The following LPL variants were observed in gnomAD, a reference collection of about 807,000 sequenced individuals.
LPL encodes lipoprotein lipase.
In LPL, 43 loss-of-function variants were observed where a neutral mutation model predicts 52.2. That is an observed-to-expected ratio of 0.82 (90% CI 0.64 to 1.06). The LOEUF (loss-of-function observed/expected upper bound fraction) is 1.06. Among genes scored for constraint, LPL ranks in the 50% least tolerant of loss-of-function variants. The pLI, the probability that LPL is intolerant of heterozygous loss-of-function variation, is 0.00. For missense variants in LPL, 639 were observed against 585.3 expected, an observed-to-expected ratio of 1.09 and a Z score of -0.95; for synonymous variants, 244 against 215.6, an observed-to-expected ratio of 1.13 and a Z score of -1.15.
rs264 is a variant in LPL at position 19,955,669 on chromosome 8, G to A, written c.776-172G>A. On this transcript the variant is annotated intron_variant, in intron 5 of 9. Coordinates refer to ENST00000650287, the MANE Select transcript of LPL (RefSeq NM_000237.3). ...TCACTCTCTTGAAGGTGGGTGGGCC[G>A]CTACCACCAAGAATATCTCCTGAAA... Among the ~76,000 whole-genome samples, 21,597 of 151,956 alleles carry A rather than the reference G, an allele frequency of 0.14. 1,653 individuals carry two copies. Among genetic ancestry groups the A allele is most frequent in the East Asian group, 0.21 (1,086 of 5,166 alleles).
intron 9 of LPL, among the ~76,000 whole-genome samples, chr8:19,962,926 C>T (rs2070052728): frequency 6.6e-6 from 1 of 152,208 alleles, no homozygotes; most frequent in Non-Finnish European, 1.5e-5. Context: ...CTTCACTACT[C>T]CTGTTCTGAA....
At chr8:19,947,768 G>C (rs2069894918) in intron 1 of LPL, among the ~76,000 whole-genome samples, 1 of 150,134 alleles carries the variant, frequency 6.7e-6, no homozygotes, top group Admixed American at 6.8e-5. Context: ...GAGAGACCGG[G>C]CTCTGATCCT....
rs778315858 is a variant in LPL at position 19,948,373 on chromosome 8, G to T, written c.249+33G>T. The T allele has an allele frequency of 3.1e-6, 5 of 1,612,618 alleles. No individual in the cohort carries two copies. In the South Asian group the frequency reaches 4.4e-5, roughly 14 times the overall value. On this transcript the variant is annotated intron_variant, in intron 2 of 9. Coordinates refer to ENST00000650287, the MANE Select transcript of LPL (RefSeq NM_000237.3). ...AGGCTCTTTGGGGAAGAGTGGATTG[G>T]GGTGGTGAGGTATCCTGACTGGCCT...
intron 5 of LPL, 92 bp from the exon 6 acceptor site, chr8:19,955,749 A>G: frequency 2.7e-6 from 4 of 1,507,768 alleles, no homozygotes. Flanking sequence ...TTCTACTCTA[A>G]CACCACATCT....
chr8:19,964,562 T>G lies in LPL; in HGVS notation c.*-748T>G, dbSNP rs867046577. 2.6e-5 allele frequency among the ~76,000 whole-genome samples: 4 copies of G among 152,286 alleles called. 1 individual carries two copies. The South Asian group carries it at 8.3e-4, about 32-fold the overall frequency. On this transcript the variant is annotated intron_variant, in intron 9 of 9. Transcript: ENST00000650287. ...TTTATTTATTTTTGAGACAGTCTCGTTCTGTTGCCCAGGCTAGAATGTGGT... is the reference window on the plus strand; with the variant it reads ...TTTATTTATTTTTGAGACAGTCTCGGTCTGTTGCCCAGGCTAGAATGTGGT...
At chr8:19,947,955 G>T (rs2069897188) in intron 1 of LPL, among the ~76,000 whole-genome samples, 1 of 152,156 alleles carries the variant, frequency 6.6e-6, no homozygotes, top group African/African-American at 2.4e-5. Flanking sequence ...ACTTAGGAGA[G>T]GTCAATGGTG....
In LPL at chr8:19,950,054, G is replaced by A. The variant is rs1683639760; in HGVS notation, c.249+1714G>A. On this transcript the variant is annotated intron_variant, in intron 2 of 9. Coordinates refer to ENST00000650287, the MANE Select transcript of LPL (RefSeq NM_000237.3). This position sits in a 1 kb window ranked among gnomAD's most constrained non-coding sequence, Gnocchi z 4.2. ...TCCTACTGCCTCACTAAGCCCACCT[G>A]TATCTTTCACATCATGTGTCCTGAC... is the stretch of plus-strand genomic sequence containing the variant. Among the ~76,000 whole-genome samples the A allele has an allele frequency of 6.6e-6, 1 of 152,134 alleles. No homozygotes were observed. The highest frequency in any genetic ancestry group is 1.5e-5 in the Non-Finnish European group (1 of 68,016).
chr8:19,956,491 A>G (rs377502494), intron 6 of LPL, among the ~76,000 whole-genome samples: 33 of 152,258 alleles, frequency 2.2e-4, no homozygotes, highest in African/African-American at 7.9e-4. Context: ...AGGGGTACGT[A>G]TGTAGGTTTG....
chr8:19,960,319 A>G (rs1399648224), intron 7 of LPL, among the ~76,000 whole-genome samples: 1 of 152,160 alleles, frequency 6.6e-6, no homozygotes, highest in Admixed American at 6.5e-5. Context: ...TTTTTTTCTA[A>G]TATTTATCCT....
At chr8:19,960,108 A>T (rs1008438451) in intron 7 of LPL, among the ~76,000 whole-genome samples, 2 of 151,352 alleles carry the variant, frequency 1.3e-5, no homozygotes, top group Admixed American at 1.3e-4. Context: ...CTACTAATCA[A>T]AGAAATAAAA....
chr8:19,939,774 C>CT lies in LPL; in HGVS notation c.88+247dup, dbSNP rs978794116. On this transcript the variant is annotated intron_variant, in intron 1 of 9. Transcript: ENST00000650287. The surrounding 1 kb of genome is among the most constrained non-coding windows in gnomAD (Gnocchi z 4.0). ...TTTTTCTCTCTGCCGGGTTCCCGCG[C>CT]TATCCCTTCCACTCTGGCTGGGACC... Among the ~76,000 whole-genome samples the CT allele has an allele frequency of 2.6e-5, 4 of 152,234 alleles. No individual in the cohort carries two copies. The highest frequency in any genetic ancestry group is 9.6e-5 in the African/African-American group (4 of 41,468).
At chr8:19,958,078 G>A (rs559641008) in intron 6 of LPL, among the ~76,000 whole-genome samples, 27 of 151,246 alleles carry the variant, frequency 1.8e-4, no homozygotes, top group South Asian at 1.0e-3. Flanking sequence ...GGAGTGCAGC[G>A]GCGCAATCTT....
At chr8:19,951,288 A>G (rs1241104821) in intron 2 of LPL, among the ~76,000 whole-genome samples, 1 of 152,166 alleles carries the variant, frequency 6.6e-6, no homozygotes, top group African/African-American at 2.4e-5. Flanking sequence ...TACATTCTGA[A>G]GAAATGACAT....
At chr8:19,960,321 A>G (rs1296654051) in intron 7 of LPL, among the ~76,000 whole-genome samples, 1 of 152,150 alleles carries the variant, frequency 6.6e-6, no homozygotes, top group African/African-American at 2.4e-5. Flanking sequence ...TTTTTCTAAT[A>G]TTTATCCTAA....
intron 9 of LPL, among the ~76,000 whole-genome samples, chr8:19,963,827 A>T (rs1471057565): frequency 1.3e-5 from 2 of 152,228 alleles, no homozygotes; most frequent in Non-Finnish European, 2.9e-5. Flanking sequence ...CGCAATTCTT[A>T]TCTAACTGGA....
In LPL at chr8:19,967,158, C is replaced by T. The variant is rs3866471; in HGVS notation, c.*1848C>T. The T allele has an allele frequency of 3.9e-5, 6 of 152,430 alleles. No individual in the cohort carries two copies. The highest frequency in any genetic ancestry group is 5.9e-5 in the Non-Finnish European group (4 of 68,008). 9.4% of individuals were successfully genotyped at this position (152,430 alleles called of 1,614,324 possible). On this transcript the variant is annotated 3_prime_UTR_variant, in exon 10 of 10. Coordinates refer to ENST00000650287, the MANE Select transcript of LPL (RefSeq NM_000237.3). ...GTGATGGTCTCACAGAGCCAACTCACTCTTATGAAATGGGCTTTAACAAAA... is the reference window on the plus strand; with the variant it reads ...GTGATGGTCTCACAGAGCCAACTCATTCTTATGAAATGGGCTTTAACAAAA...
At chr8:19,961,228 A>T in intron 8 of LPL, 145 bp downstream of exon 8, 2 of 217,912 alleles carry the variant, frequency 9.2e-6, no homozygotes, top group Non-Finnish European at 1.5e-5. Context: ...TTTCTTTAGG[A>T]GTCTTCTTTT....
intron 2 of LPL, among the ~76,000 whole-genome samples, chr8:19,951,013 G>T (rs1348137279): frequency 6.6e-6 from 1 of 152,076 alleles, no homozygotes; most frequent in African/African-American, 2.4e-5. Context: ...GAGGCCTAGA[G>T]TAAACCCGAT....
intron 6 of LPL, among the ~76,000 whole-genome samples, chr8:19,957,988 TTTTATTTA>T (rs10634207): frequency 0.062 from 8,714 of 140,788 alleles, 429 homozygotes; most frequent in African/African-American, 0.13. Flanking sequence ...CCAAGAATTA[TTTTATTTA>T]TTTATTTATT....
Sources: gnomAD v4.1 joint callset for allele counts (sites outside exome capture counted in the v4.1 genomes callset) on GRCh38, gnomAD v4.1.1 for gene constraint, Gnocchi (gnomAD v3.1) non-coding constraint, MANE v1.5 for transcripts, NCBI Gene and HGNC (gene_info 2026-07-23, HGNC 2026-07-21) for gene names.